The following RYR3 variants were observed in gnomAD, a reference collection of about 807,000 sequenced individuals.
The protein encoded by RYR3 is ryanodine receptor 3.
A neutral mutation model predicts 584.3 loss-of-function variants in RYR3; 207 were observed. The ratio of observed to expected loss-of-function variants is 0.35; its 90% CI spans 0.32 to 0.40. The LOEUF (loss-of-function observed/expected upper bound fraction) is 0.40, where lower values mean the gene tolerates loss of function less well. RYR3 is among the 10% of genes least tolerant of loss of function. The probability of loss-of-function intolerance (pLI) is 1.00; values close to 1 mark genes in which losing one functional copy is unlikely to be tolerated. For missense variants in RYR3, 5,616 were observed against 6,089.2 expected (o/e 0.92, Z 2.59); for synonymous variants, 2,416 against 2,248.5 (o/e 1.07, Z -2.11).
At chr15:33,530,950 G>A (rs752437181) in intron 4 of RYR3, among the ~76,000 whole-genome samples, 1 of 152,104 alleles carries the variant, frequency 6.6e-6, no homozygotes, top group Non-Finnish European at 1.5e-5. Flanking sequence ...CCCACCAAAT[G>A]CAGTGCTTTG....
intron 10 of RYR3, among the ~76,000 whole-genome samples, chr15:33,556,596 C>T (rs1418682576): frequency 2.0e-5 from 3 of 152,158 alleles, no homozygotes; most frequent in African/African-American, 7.2e-5. Context: ...AGTATTTGTC[C>T]ACAGTCATAT....
At position 33,859,701 on chromosome 15, in the gene RYR3, G is replaced by A. The variant is rs766633345; in HGVS notation, c.14269G>A (p.Val4757Ile). 15 of 1,611,596 alleles carry A rather than the reference G, an allele frequency of 9.3e-6. No individual in the cohort carries two copies. Among genetic ancestry groups the A allele is most frequent in the East Asian group, 4.5e-5 (2 of 44,874 alleles). ...IVFDITFFFF[V>I]IVILLAIIQG... The stretch of plus-strand genomic sequence containing the variant: ...CTTTGACATTACCTTTTTCTTCTTC[G>A]TCATTGTCATCTTGCTGGCCATCAT... The change falls in exon 100 of 104, where the codon GTC (valine) becomes ATC (isoleucine). Residue 4757 changes from valine to isoleucine, a missense_variant. Physicochemically the swap from Val to Ile is conservative, Grantham distance 29 (BLOSUM62 3). This residue lies in a region of RYR3 where 918 missense variants were observed against 887.4 expected (regional missense o/e 1.03). Coordinates refer to ENST00000634891, the MANE Select transcript of RYR3 (RefSeq NM_001036.6).
intron 90 of RYR3, 193 bp from the exon 91 acceptor site, chr15:33,841,671 C>T: frequency 1.8e-6 from 1 of 554,520 alleles, no homozygotes. Context: ...TCACCAAGAT[C>T]ATGGCTCATC....
rs2068587027 is a variant in RYR3 at position 33,727,709 on chromosome 15, G to A, written c.7034-1148G>A. On this transcript the variant is annotated intron_variant, in intron 46 of 103. Transcript: ENST00000634891. ...ATTCCTGGGCAGGACGAGAGTCTGGGCTGGCTCGGACTTAATTTTTGTCCT... is the reference window on the plus strand; with the variant it reads ...ATTCCTGGGCAGGACGAGAGTCTGGACTGGCTCGGACTTAATTTTTGTCCT... Among the ~76,000 whole-genome samples, 4 of 152,166 alleles carry A rather than the reference G, an allele frequency of 2.6e-5. No individual in the cohort carries two copies. The South Asian group carries it at 8.3e-4, about 32-fold the overall frequency.
At chr15:33,643,014 T>C (rs533430991) in intron 27 of RYR3, among the ~76,000 whole-genome samples, 1 of 152,360 alleles carries the variant, frequency 6.6e-6, no homozygotes, top group South Asian at 2.1e-4. Context: ...TAACTTGTTA[T>C]TTACATAGAA....
At chr15:33,713,630 AG>A (rs758731570) in intron 43 of RYR3, among the ~76,000 whole-genome samples, 71 of 152,304 alleles carry the variant, frequency 4.7e-4, no homozygotes, top group Non-Finnish European at 9.3e-4. Context: ...CAATCCAATG[AG>A]GGAAGCATCT....
At chr15:33,611,897 G>C (rs969038154) in intron 18 of RYR3, among the ~76,000 whole-genome samples, 2 of 152,092 alleles carry the variant, frequency 1.3e-5, no homozygotes, top group African/African-American at 2.4e-5. Flanking sequence ...GAGCTCAAGC[G>C]ATCTGCCTGC....
Position 33,863,053 on chromosome 15 carries a change from TAGACCAGTGGAA to T in RYR3, c.14466-1084_14466-1073del, listed in dbSNP as rs371398816. Among the ~76,000 whole-genome samples the T allele has an allele frequency of 5.3e-3, 811 of 152,368 alleles. 7 individuals are homozygous for T. The highest frequency in any genetic ancestry group is 0.019 in the African/African-American group (771 of 41,592). ...GCCACGTGTCTGTACCCATGGGTTA[TAGACCAGTGGAA>T]GGATGCTGTCCTTTGGGTTGGAACC... On this transcript the variant is annotated intron_variant, in intron 102 of 103. Transcript: ENST00000634891.
chr15:33,311,167 GGCTGCGCT>G lies in RYR3; in HGVS notation c.51+74_51+81del. ...GCGCGGAGCGCGGCGAGGAGGGGCT[GGCTGCGCT>G]GCGCCGCGGTGCCGGGTGCCCGGTG... is the stretch of plus-strand genomic sequence containing the variant. On this transcript the variant is annotated intron_variant, in intron 1 of 103. Coordinates refer to ENST00000634891, the MANE Select transcript of RYR3 (RefSeq NM_001036.6). This position sits in a 1 kb window ranked among gnomAD's most constrained non-coding sequence, Gnocchi z 4.4. 1 of 1,235,490 alleles carries G rather than the reference GGCTGCGCT, an allele frequency of 8.1e-7. No homozygotes were observed. The highest frequency in any genetic ancestry group is 1.1e-6 in the Non-Finnish European group (1 of 915,328). The allele number at this position is 1,235,490 out of a possible 1,614,324, so 76.5% of individuals were successfully genotyped here.
intron 99 of RYR3, chr15:33,858,190 G>A (rs1055886941): frequency 2.6e-5 from 10 of 380,720 alleles, no homozygotes; most frequent in East Asian, 1.3e-4. Flanking sequence ...ATCTATTTCC[G>A]GGGTAAAGAT....
intron 1 of RYR3, among the ~76,000 whole-genome samples, chr15:33,448,161 T>C (rs2046825821): frequency 6.6e-6 from 1 of 152,190 alleles, no homozygotes. Flanking sequence ...TGACTTGAGG[T>C]GGCTGAGTCT....
intron 1 of RYR3, among the ~76,000 whole-genome samples, chr15:33,451,243 G>A (rs2047099965): frequency 6.6e-6 from 1 of 152,140 alleles, no homozygotes; most frequent in African/African-American, 2.4e-5. Context: ...CTTTCCCCCA[G>A]TAGATAGCAG....
chr15:33,802,180 C>T (rs2152931805), intron 69 of RYR3: 1 of 682,526 alleles, frequency 1.5e-6, no homozygotes, highest in South Asian at 1.4e-5. Flanking sequence ...GCTTGTATGT[C>T]AAAAAGCTTA....
intron 20 of RYR3, among the ~76,000 whole-genome samples, chr15:33,624,451 T>G (rs1048033238): frequency 6.6e-6 from 1 of 152,298 alleles, no homozygotes; most frequent in African/African-American, 2.4e-5. Context: ...TTAGAGCCTT[T>G]AAAAAGCTTA....
chr15:33,624,000 C>G lies in RYR3; in HGVS notation c.2551C>G (p.Pro851Ala), dbSNP rs772392619. The G allele has an allele frequency of 6.2e-7, 1 of 1,613,674 alleles. No individual in the cohort carries two copies. Among genetic ancestry groups the G allele is most frequent in the Non-Finnish European group, 8.5e-7 (1 of 1,179,776 alleles). Residue 851 changes from proline to alanine, a missense_variant, in exon 20 of 104, where the codon CCA (proline) becomes GCA (alanine). Physicochemically the swap from Pro to Ala is conservative, Grantham distance 27. Around this residue, in one of 9 missense-constraint regions of RYR3, gnomAD observed 1,284 missense variants for 1,344.6 expected, o/e 0.95. Coordinates refer to ENST00000634891, the MANE Select transcript of RYR3 (RefSeq NM_001036.6). ...GTTCCTCTCCCAAGCCTCTTTCATC[C>G]CATGCCCCGTAGACACCAGTCAGGT... ...TQFLSQASFIPCPVDTSQVIL... is the reference protein window; with the variant it reads ...TQFLSQASFIACPVDTSQVIL...
In RYR3 at chr15:33,811,020, T is replaced by C; in HGVS notation, c.10240T>C (p.Leu3414=). 1 of 1,608,926 alleles carries C rather than the reference T, an allele frequency of 6.2e-7. No homozygotes were observed. The highest frequency in any genetic ancestry group is 1.7e-4 in the Middle Eastern group (1 of 6,060). The change falls in exon 72 of 104, where the codon TTG becomes CTG. Residue 3414 remains leucine, a synonymous_variant. Coordinates refer to ENST00000634891, the MANE Select transcript of RYR3 (RefSeq NM_001036.6). ...GGTCAGAGAACATCTGCGGAACAAC[T>C]TGCACTTGCAGGAAAAGGTGATGAC... The part of the protein sequence containing the change: ...EEVREHLRNN[L]HLQEKSDDPA...
intron 16 of RYR3, among the ~76,000 whole-genome samples, chr15:33,593,383 A>T (rs777027247): frequency 5.3e-5 from 8 of 152,120 alleles, no homozygotes; most frequent in Admixed American, 2.0e-4. Context: ...CCAAAAGCTA[A>T]TTTTTAGGAG....
intron 38 of RYR3, among the ~76,000 whole-genome samples, chr15:33,687,878 G>A (rs1037340157): frequency 1.1e-4 from 16 of 152,270 alleles, no homozygotes; most frequent in African/African-American, 3.9e-4. Flanking sequence ...AGCTGAAACT[G>A]GATCCCTTCC....
intron 31 of RYR3, among the ~76,000 whole-genome samples, chr15:33,651,681 CT>C (rs1162389056): frequency 6.6e-6 from 1 of 152,238 alleles, no homozygotes; most frequent in Non-Finnish European, 1.5e-5. Context: ...ATCCCTGCCC[CT>C]ATGTGGCCTT....
Sources: gnomAD v4.1 joint callset for allele counts (sites outside exome capture counted in the v4.1 genomes callset) on GRCh38, gnomAD v4.1.1 for gene constraint, gnomAD v4.1.1 regional missense constraint, Gnocchi (gnomAD v3.1) non-coding constraint, MANE v1.5 for transcripts, NCBI Gene and HGNC (gene_info 2026-07-23, HGNC 2026-07-21) for gene names.